Variants in MYO1B observed in about 807,000 individuals in gnomAD.
MYO1B encodes myosin IB, also known as unconventional myosin-Ib.
In MYO1B, 72 loss-of-function variants were observed where a neutral mutation model predicts 159.7. The observed-to-expected ratio is 0.45, with a 90% CI of 0.37 to 0.55. The LOEUF is 0.55. MYO1B is among the 20% of genes least tolerant of loss of function. The pLI is 0.00. For synonymous variants in MYO1B, 468 were observed against 473.8 expected (o/e 0.99, Z 0.16); for missense variants, 1,062 against 1,364.8 (o/e 0.78, Z 3.50).
chr2:191,371,819 G>A (rs1426114938), intron 13 of MYO1B, among the ~76,000 whole-genome samples: 1 of 152,204 alleles, frequency 6.6e-6, no homozygotes, highest in African/African-American at 2.4e-5. Flanking sequence ...ATGGAAGTGT[G>A]TGTGCTGGTG....
At chr2:191,249,144 G>A (rs1196522684) in intron 1 of MYO1B, among the ~76,000 whole-genome samples, 1 of 152,124 alleles carries the variant, frequency 6.6e-6, no homozygotes, top group Non-Finnish European at 1.5e-5. Context: ...TCCATTTTAA[G>A]CCCTTTTTAT....
chr2:191,281,333 G>T (rs1231297717), intron 2 of MYO1B, among the ~76,000 whole-genome samples: 1 of 152,144 alleles, frequency 6.6e-6, no homozygotes, highest in Non-Finnish European at 1.5e-5. Flanking sequence ...TGAGATGGGG[G>T]AAATGCTGAA....
chr2:191,414,480 G>A, intron 28 of MYO1B, 37 bp from the exon 29 acceptor site: 1 of 1,552,454 alleles, frequency 6.4e-7, no homozygotes, highest in Non-Finnish European at 8.7e-7. Context: ...GAGTATTTGT[G>A]ATCATTGGTT....
At chr2:191,383,108 T>C (rs2126076275) in intron 14 of MYO1B, among the ~76,000 whole-genome samples, 172 bp from the exon 15 acceptor site, 1 of 152,228 alleles carries the variant, frequency 6.6e-6, no homozygotes, top group South Asian at 2.1e-4. Flanking sequence ...GGTAGGCAGC[T>C]GCATTGAGAA....
At chr2:191,348,782 A>C (rs1261835764) in intron 6 of MYO1B, among the ~76,000 whole-genome samples, 1 of 152,176 alleles carries the variant, frequency 6.6e-6, no homozygotes, top group Non-Finnish European at 1.5e-5. Flanking sequence ...ATTCCATGCT[A>C]GCCAGGGAAA....
chr2:191,405,240 T>A (rs1270811124), intron 24 of MYO1B, among the ~76,000 whole-genome samples: 1 of 152,232 alleles, frequency 6.6e-6, no homozygotes, highest in Non-Finnish European at 1.5e-5. Context: ...ATCTTGAGAT[T>A]GCAGCAATTC....
intron 13 of MYO1B, among the ~76,000 whole-genome samples, chr2:191,375,470 AAGATAGAT>A (rs149225477): frequency 0.022 from 3,217 of 146,344 alleles, 68 homozygotes; most frequent in African/African-American, 0.049. Context: ...TGATTTGTAA[AAGATAGAT>A]AGATAGATAG....
chr2:191,340,577 G>T, intron 4 of MYO1B, among the ~76,000 whole-genome samples: 1 of 152,238 alleles, frequency 6.6e-6, no homozygotes, highest in African/African-American at 2.4e-5. Flanking sequence ...CTTTAGTAAC[G>T]GGGTTACTAG....
rs1207035882 is a variant in MYO1B, at chr2:191,295,430, CATT to C, written c.136-679_136-677del. Reference sequence around the variant, plus strand: ...CCTCAGAAAGTGCATTTAAATTTTACATTAAATGTAAATTTGACATTAAATTTA... The same window carrying C: ...CCTCAGAAAGTGCATTTAAATTTTACAAATGTAAATTTGACATTAAATTTA... On this transcript the variant is annotated intron_variant, in intron 2 of 30. Coordinates refer to ENST00000392318, the MANE Select transcript of MYO1B (RefSeq NM_001130158.3). Among the ~76,000 whole-genome samples, 23 of 152,304 alleles carry C rather than the reference CATT, an allele frequency of 1.5e-4. No individual in the cohort carries two copies. In the Middle Eastern group the frequency reaches 0.01, roughly 68 times the overall value.
intron 30 of MYO1B, among the ~76,000 whole-genome samples, chr2:191,421,581 T>G (rs1308985888): frequency 6.6e-6 from 1 of 151,996 alleles, no homozygotes; most frequent in East Asian, 1.9e-4. Context: ...CTGCAAACGA[T>G]TCCCCTGCCT....
intron 23 of MYO1B, among the ~76,000 whole-genome samples, chr2:191,401,239 A>T (rs1696597641): frequency 6.6e-6 from 1 of 152,140 alleles, no homozygotes; most frequent in Non-Finnish European, 1.5e-5. Flanking sequence ...CATGTTGACA[A>T]TGGAAATGCC....
chr2:191,424,002 A>G lies in MYO1B; in HGVS notation c.*42A>G. ...ACTTTCATGGACTTGTTCCTTTGTA[A>G]TAGTGCAATTTGGTTTTGTTTTATT... On this transcript the variant is annotated 3_prime_UTR_variant, in exon 31 of 31. Transcript: ENST00000392318. 6.3e-7 allele frequency: 1 copy of G among 1,582,070 alleles called. No homozygotes were observed. The highest frequency in any genetic ancestry group is 2.2e-5 in the East Asian group (1 of 44,626).
chr2:191,399,089 C>T lies in MYO1B; in HGVS notation c.2296-1293C>T, dbSNP rs1696417768. ...GACCAGCCCGGCCAACACAGCAAAA[C>T]CCCGTCTCCACCAAAAAAAAACGAA... On this transcript the variant is annotated intron_variant, in intron 21 of 30. Transcript: ENST00000392318. 3.3e-5 allele frequency among the ~76,000 whole-genome samples: 5 copies of T among 152,288 alleles called. No individual in the cohort carries two copies. In the South Asian group the frequency reaches 1.0e-3, roughly 32 times the overall value.
At chr2:191,324,167 T>G (rs1690907517) in intron 3 of MYO1B, among the ~76,000 whole-genome samples, 1 of 152,174 alleles carries the variant, frequency 6.6e-6, no homozygotes, top group Non-Finnish European at 1.5e-5. Flanking sequence ...TAGGCACATA[T>G]AGTTGACTCT....
At chr2:191,270,139 C>T (rs953257176) in intron 1 of MYO1B, among the ~76,000 whole-genome samples, 2 of 151,928 alleles carry the variant, frequency 1.3e-5, no homozygotes, top group Non-Finnish European at 2.9e-5. Flanking sequence ...AATTTCAGCT[C>T]CTGAGGAATG....
intron 8 of MYO1B, among the ~76,000 whole-genome samples, chr2:191,361,079 T>G (rs1693641474): frequency 6.6e-6 from 1 of 152,216 alleles, no homozygotes; most frequent in Non-Finnish European, 1.5e-5. Flanking sequence ...AATATTCTTG[T>G]ACCTCACCAG....
intron 13 of MYO1B, among the ~76,000 whole-genome samples, chr2:191,374,649 G>A (rs953868105): frequency 6.6e-5 from 10 of 152,158 alleles, no homozygotes; most frequent in African/African-American, 2.4e-4. Flanking sequence ...CTGGCCACAT[G>A]TGATCCGATG....
Position 191,346,232 on chromosome 2 carries a change from CT to C in MYO1B, c.452-3del. On this transcript the variant is annotated splice_region_variant and splice_polypyrimidine_tract_variant and intron_variant, in intron 5 of 30. Transcript: ENST00000392318. Reference sequence around the variant, plus strand: ...TAACCATACATCTGTTTCTTTCCTACTAGCTTTTGGAAATGCCAAAACTGTA... The same window carrying C: ...TAACCATACATCTGTTTCTTTCCTACAGCTTTTGGAAATGCCAAAACTGTA... 1 of 1,564,144 alleles carries C rather than the reference CT, an allele frequency of 6.4e-7. No homozygotes were observed. The highest frequency in any genetic ancestry group is 1.2e-5 in the South Asian group (1 of 82,958).
At chr2:191,420,438 ATTT>A (rs1438624924) in intron 30 of MYO1B, among the ~76,000 whole-genome samples, 2 of 152,142 alleles carry the variant, frequency 1.3e-5, no homozygotes, top group African/African-American at 4.8e-5. Flanking sequence ...CAAGTACACT[ATTT>A]TTTATCTTTT....
Sources: allele counts gnomAD v4.1 joint callset (sites outside exome capture counted in the v4.1 genomes callset), GRCh38; gene constraint gnomAD v4.1.1; transcripts MANE v1.5; gene names NCBI Gene and HGNC (gene_info 2026-07-23, HGNC 2026-07-21).